The following PISD variants were observed in gnomAD, a reference collection of about 807,000 sequenced individuals.
PISD encodes the protein phosphatidylserine decarboxylase.
A neutral mutation model predicts 43.5 loss-of-function variants in PISD; 31 were observed. The observed-to-expected ratio is 0.71, with a 90% CI of 0.54 to 0.96. The LOEUF (loss-of-function observed/expected upper bound fraction) is 0.96. PISD is among the 40% of genes least tolerant of loss of function. The pLI, the probability that PISD is intolerant of heterozygous loss-of-function variation, is 0.00. For synonymous variants in PISD, 259 were observed against 228.7 expected (o/e 1.13, Z -1.20); for missense variants, 523 against 548.4 (o/e 0.95, Z 0.46).
At chr22:31,640,880 GTTTTTTTTTTTTT>G (rs1214973570) in intron 3 of PISD, among the ~76,000 whole-genome samples, 1 of 24,596 alleles carries the variant, frequency 4.1e-5, no homozygotes, top group African/African-American at 1.8e-4. Context: ...CACACCCGGT[GTTTTTTTTTTTTT>G]TTTTTTTTTT....
At chr22:31,648,016 A>G in intron 3 of PISD, 85 bp downstream of exon 3, 1 of 1,233,166 alleles carries the variant, frequency 8.1e-7, no homozygotes, top group South Asian at 1.5e-5. Flanking sequence ...TGACTTGTTC[A>G]AACATTTCAA....
chr22:31,659,094 T>C (rs2074253263), intron 1 of PISD, among the ~76,000 whole-genome samples: 1 of 152,086 alleles, frequency 6.6e-6, no homozygotes, highest in African/African-American at 2.4e-5. Context: ...GCTCATGCAA[T>C]CCACCCGCCT....
chr22:31,654,920 C>CA (rs1449180313), intron 1 of PISD, among the ~76,000 whole-genome samples: 3 of 151,616 alleles, frequency 2.0e-5, no homozygotes, highest in African/African-American at 7.3e-5. Context: ...TACTAAAATC[C>CA]AAAAAATTAG....
intron 1 of PISD, among the ~76,000 whole-genome samples, chr22:31,658,485 C>T (rs1601462265): frequency 6.6e-6 from 1 of 152,214 alleles, no homozygotes; most frequent in East Asian, 1.9e-4. Flanking sequence ...TCATATCAAT[C>T]ATCTATGACC....
chr22:31,639,011 CT>C (rs765657472), intron 3 of PISD, among the ~76,000 whole-genome samples: 5 of 148,130 alleles, frequency 3.4e-5, no homozygotes, highest in East Asian at 3.9e-4. Flanking sequence ...TTTTTTCCCC[CT>C]GAGACAGCGT....
At chr22:31,636,614 A>T (rs2073446322) in intron 3 of PISD, among the ~76,000 whole-genome samples, 1 of 150,966 alleles carries the variant, frequency 6.6e-6, no homozygotes, top group Non-Finnish European at 1.5e-5. Context: ...ATCTCGGCTC[A>T]CTGCAAGCTC....
chr22:31,645,624 C>T (rs1429077851), intron 3 of PISD, among the ~76,000 whole-genome samples: 15 of 147,378 alleles, frequency 1.0e-4, no homozygotes, highest in Non-Finnish European at 1.4e-4. Context: ...GTGATCCACC[C>T]GCCTCAGCCT....
intron 3 of PISD, among the ~76,000 whole-genome samples, chr22:31,647,237 A>C (rs1367915870): frequency 1.3e-5 from 2 of 152,218 alleles, no homozygotes; most frequent in South Asian, 2.1e-4. Flanking sequence ...ACTGTTAAAG[A>C]CACAAGACCA....
At chr22:31,654,441 C>A (rs528588727) in intron 1 of PISD, among the ~76,000 whole-genome samples, 107 of 152,220 alleles carry the variant, frequency 7.0e-4, no homozygotes, top group African/African-American at 2.4e-3. Flanking sequence ...CTTCATTGCT[C>A]CTCCAGGGGC....
chr22:31,641,978 G>A (rs1233915755), intron 3 of PISD, among the ~76,000 whole-genome samples: 1 of 151,146 alleles, frequency 6.6e-6, no homozygotes, highest in African/African-American at 2.5e-5. Flanking sequence ...CCATAAAGGT[G>A]TCCATACCCT....
At chr22:31,634,834 CAAAAAAAAAA>C (rs33999998) in intron 3 of PISD, among the ~76,000 whole-genome samples, 10 of 81,120 alleles carry the variant, frequency 1.2e-4, no homozygotes, top group African/African-American at 4.1e-4. Context: ...GACTCCATCT[CAAAAAAAAAA>C]AAAAAAAAAA....
chr22:31,656,032 G>A (rs778599139), intron 1 of PISD, among the ~76,000 whole-genome samples: 88 of 151,976 alleles, frequency 5.8e-4, no homozygotes, highest in Admixed American at 7.9e-4. Flanking sequence ...AGTGGCTCAC[G>A]CCTGTAATCT....
At chr22:31,653,012 C>T (rs774107337) in intron 1 of PISD, among the ~76,000 whole-genome samples, 1 of 143,808 alleles carries the variant, frequency 7.0e-6, no homozygotes, top group African/African-American at 2.6e-5. Context: ...GTACTCCAGG[C>T]TGGGTGACAG....
In PISD at chr22:31,650,789, G is replaced by A; in HGVS notation, c.66-11C>T. On this transcript the variant is annotated splice_polypyrimidine_tract_variant and intron_variant, in intron 1 of 7. Transcript: ENST00000439502. ...TCACAGGGATGGAGGCTATAACCAA[G>A]CAAAAATGAACCATTAAATATTATT... The A allele has an allele frequency of 6.6e-7, 1 of 1,508,010 alleles. No individual in the cohort carries two copies. The highest frequency in any genetic ancestry group is 9.0e-7 in the Non-Finnish European group (1 of 1,114,658). The allele number at this position is 1,508,010 out of a possible 1,614,324, so 93.4% of individuals were successfully genotyped here. A position where few individuals can be genotyped will look rare whatever the true frequency, so the allele number is the denominator to read the frequency against.
Position 31,619,653 on chromosome 22 carries a change from C to CTGTT in PISD, c.1185_1188dup (p.Gly397AsnfsTer20). 6.2e-7 allele frequency: 1 copy of CTGTT among 1,614,232 alleles called. No homozygotes were observed. The highest frequency in any genetic ancestry group is 1.6e-4 in the Middle Eastern group (1 of 6,062). ...GCTTCCCCAAAGCGGATTTTCTGTCCTGTTTTCAGCTGGAAATTGAAGTCC... is the reference window on the plus strand; with the variant it reads ...GCTTCCCCAAAGCGGATTTTCTGTCCTGTTTGTTTTCAGCTGGAAATTGAAGTCC... On this transcript the variant is annotated frameshift_variant, in exon 8 of 8. Transcript: ENST00000439502. LOFTEE classifies it high-confidence loss of function.
intron 3 of PISD, among the ~76,000 whole-genome samples, chr22:31,643,748 A>G (rs371728235): frequency 1.1e-4 from 16 of 151,772 alleles, no homozygotes; most frequent in Non-Finnish European, 1.5e-4. Context: ...CATCTCTACA[A>G]AAAAATACAA....
At chr22:31,652,348 C>T in intron 1 of PISD, among the ~76,000 whole-genome samples, 1 of 151,752 alleles carries the variant, frequency 6.6e-6, no homozygotes, top group South Asian at 2.1e-4. Flanking sequence ...CCAGGCTGGC[C>T]TCAAACTCCT....
chr22:31,659,812 G>A (rs2074271415), intron 1 of PISD, among the ~76,000 whole-genome samples: 1 of 151,976 alleles, frequency 6.6e-6, no homozygotes, highest in Non-Finnish European at 1.5e-5. Flanking sequence ...TCGATCTCCT[G>A]ACCTCATGAT....
At chr22:31,635,147 C>T (rs1202827631) in intron 3 of PISD, among the ~76,000 whole-genome samples, 1 of 145,526 alleles carries the variant, frequency 6.9e-6, no homozygotes, top group Admixed American at 6.8e-5. Flanking sequence ...GTCTGGGCAA[C>T]AAGAGTAAAA....
Sources: allele counts gnomAD v4.1 joint callset (sites outside exome capture counted in the v4.1 genomes callset), GRCh38; gene constraint gnomAD v4.1.1; transcripts MANE v1.5; gene names NCBI Gene and HGNC (gene_info 2026-07-23, HGNC 2026-07-21).